The following POLA1 variants were observed in gnomAD, a reference collection of about 807,000 sequenced individuals.
The protein encoded by POLA1 is DNA polymerase alpha catalytic subunit.
In POLA1, 15 loss-of-function variants were observed where a neutral mutation model predicts 124.0. The ratio of observed to expected loss-of-function variants is 0.12; its 90% confidence interval spans 0.08 to 0.19. The LOEUF (loss-of-function observed/expected upper bound fraction) is 0.19, where lower values mean the gene tolerates loss of function less well. Among genes scored for constraint, POLA1 ranks in the 10% least tolerant of loss-of-function variants. The pLI is 1.00. For missense variants in POLA1, 886 were observed against 1,103.4 expected, an observed-to-expected ratio of 0.80 and a Z score of 2.79; for synonymous variants, 408 against 389.4, an observed-to-expected ratio of 1.05 and a Z score of -0.56.
At chrX:24,902,375 AAT>A (rs2047294580) in intron 35 of POLA1, among the ~76,000 whole-genome samples, 1 of 111,711 alleles carries the variant, frequency 9.0e-6, no homozygotes. Context: ...TTCTCTACAT[AAT>A]CTATTTAGAA....
intron 34 of POLA1, among the ~76,000 whole-genome samples, chrX:24,857,447 T>C (rs2147092372): frequency 8.9e-6 from 1 of 111,975 alleles, no homozygotes. Context: ...ATTAACAAAA[T>C]TTTTATTGGA....
intron 32 of POLA1, among the ~76,000 whole-genome samples, chrX:24,835,986 A>G (rs1470444651): frequency 8.9e-6 from 1 of 111,766 alleles, no homozygotes; most frequent in Non-Finnish European, 1.9e-5. Context: ...GTCATCATGC[A>G]CTAGTGTAGT....
chrX:24,735,335 G>A (rs1931205753), intron 17 of POLA1, 64 bp from the exon 18 acceptor site: 1 of 655,478 alleles, frequency 1.5e-6, no homozygotes, highest in Admixed American at 2.4e-5. Flanking sequence ...TGAACAAGAA[G>A]CCAAGATACA....
At chrX:24,993,888 C>T (rs1001305525) in intron 36 of POLA1, among the ~76,000 whole-genome samples, 6 of 112,195 alleles carry the variant, frequency 5.3e-5, no homozygotes, top group Non-Finnish European at 1.1e-4. Context: ...CACCGAGTGA[C>T]GCTGGTTGTC....
intron 36 of POLA1, among the ~76,000 whole-genome samples, chrX:24,977,210 A>G (rs1385145108): frequency 8.9e-6 from 1 of 111,936 alleles, no homozygotes; most frequent in East Asian, 2.8e-4. Context: ...CTCTTCCAGT[A>G]GCTTCCTGAG....
intron 36 of POLA1, among the ~76,000 whole-genome samples, chrX:24,941,270 G>T (rs2047906220): frequency 9.0e-6 from 1 of 110,928 alleles, no homozygotes; most frequent in Non-Finnish European, 1.9e-5. Context: ...GCCCTTAATG[G>T]TTAAAAGCAA....
chrX:24,814,965 T>TG lies in POLA1; in HGVS notation c.3297-14_3297-13insG, dbSNP rs765886593. 9.3e-7 allele frequency: 1 copy of TG among 1,080,411 alleles called. No homozygotes were observed. The highest frequency in any genetic ancestry group is 2.8e-5 in the South Asian group (1 of 35,376). 89.0% of individuals were successfully genotyped at this position (1,080,411 alleles called of 1,213,427 possible). ...ACTGCTGTCTTTGTTTTGTTTTTTTTTTTTTTTTTGCAGCTTTGTGATTGG... is the reference window on the plus strand; with the variant it reads ...ACTGCTGTCTTTGTTTTGTTTTTTTTGTTTTTTTTTGCAGCTTTGTGATTGG... On this transcript the variant is annotated splice_polypyrimidine_tract_variant and intron_variant, in intron 29 of 36. Coordinates refer to ENST00000379068, the MANE Select transcript of POLA1 (RefSeq NM_001330360.2).
chrX:24,814,952 G>GTTTTTTT, intron 29 of POLA1, 27 bp from the exon 30 acceptor site: 3 of 867,759 alleles, frequency 3.5e-6, no homozygotes, highest in East Asian at 3.9e-5. Flanking sequence ...TGCTGTCTTT[G>GTTTTTTT]TTTTGTTTTT....
At chrX:24,821,941 A>T (rs1285190873) in intron 31 of POLA1, among the ~76,000 whole-genome samples, 1 of 112,099 alleles carries the variant, frequency 8.9e-6, no homozygotes, top group Non-Finnish European at 1.9e-5. Context: ...TCCCTAGCAA[A>T]TGTCCAAATA....
At chrX:24,952,765 A>T (rs868363010) in intron 36 of POLA1, among the ~76,000 whole-genome samples, 1 of 112,504 alleles carries the variant, frequency 8.9e-6, no homozygotes, top group Middle Eastern at 4.6e-3. Context: ...GTTGTATTTT[A>T]TAATTAGAAG....
intron 26 of POLA1, among the ~76,000 whole-genome samples, chrX:24,806,926 T>C (rs2045811651): frequency 8.9e-6 from 1 of 111,898 alleles, no homozygotes; most frequent in South Asian, 3.7e-4. Context: ...TCTTTATGTG[T>C]GAATTTGAAA....
chrX:24,843,767 G>A (rs1261608020), intron 34 of POLA1, 90 bp downstream of exon 34: 2 of 593,748 alleles, frequency 3.4e-6, no homozygotes, highest in Non-Finnish European at 4.8e-6. Flanking sequence ...ATTTTGAAAA[G>A]ACTTTTGGGA....
intron 35 of POLA1, among the ~76,000 whole-genome samples, chrX:24,911,440 T>C (rs1168792502): frequency 2.7e-5 from 3 of 110,803 alleles, no homozygotes; most frequent in African/African-American, 9.8e-5. Context: ...CTGAACAAAG[T>C]AGGATGATGC....
At chrX:24,967,473 C>A (rs1248078114) in intron 36 of POLA1, among the ~76,000 whole-genome samples, 7 of 109,423 alleles carry the variant, frequency 6.4e-5, no homozygotes, top group Non-Finnish European at 9.5e-5. Flanking sequence ...AGTTCGAGAC[C>A]AGCCTGGGTA....
chrX:24,912,068 C>T (rs1280372979), intron 35 of POLA1, among the ~76,000 whole-genome samples: 1 of 112,188 alleles, frequency 8.9e-6, no homozygotes, highest in Admixed American at 9.4e-5. Context: ...AATAGACTCA[C>T]AAGTGTGGCC....
chrX:24,792,264 C>T (rs2045515500), intron 26 of POLA1, among the ~76,000 whole-genome samples: 1 of 111,251 alleles, frequency 9.0e-6, no homozygotes, highest in Non-Finnish European at 1.9e-5. Context: ...CTGTTAAGCA[C>T]CCCCCTCCCC....
At chrX:24,756,300 A>G (rs1932599057) in intron 26 of POLA1, among the ~76,000 whole-genome samples, 1 of 110,922 alleles carries the variant, frequency 9.0e-6, no homozygotes, top group Non-Finnish European at 1.9e-5. Flanking sequence ...GGTGGCTCAC[A>G]CCTGTAATCC....
chrX:24,724,938 C>T (rs1041078505), intron 12 of POLA1, among the ~76,000 whole-genome samples: 3 of 111,735 alleles, frequency 2.7e-5, no homozygotes, highest in Admixed American at 9.5e-5. Context: ...TGGCCATAAT[C>T]GTGGGGGCTA....
intron 26 of POLA1, among the ~76,000 whole-genome samples, chrX:24,801,331 T>C (rs1228687391): frequency 1.8e-5 from 2 of 112,072 alleles, no homozygotes; most frequent in Non-Finnish European, 3.8e-5. Context: ...CACTTACTGA[T>C]CGATAATGGT....
Sources: gnomAD v4.1 joint callset for allele counts (sites outside exome capture counted in the v4.1 genomes callset) on GRCh38, gnomAD v4.1.1 for gene constraint, MANE v1.5 for transcripts, NCBI Gene and HGNC (gene_info 2026-07-23, HGNC 2026-07-21) for gene names.